The following PRH1 variants were observed in gnomAD, a reference collection of about 807,000 sequenced individuals.
PRH1 encodes salivary acidic proline-rich phosphoprotein 1/2.
PRH1 carries 7 observed loss-of-function variants against 7.9 expected under a neutral mutation model. The observed-to-expected ratio is 0.89, with a 90% confidence interval of 0.50 to 1.67. The LOEUF is 1.67. Among genes scored for constraint, PRH1 ranks in the 40% most tolerant of loss-of-function variants. The probability of loss-of-function intolerance (pLI) is 0.00; values close to 1 mark genes in which losing one functional copy is unlikely to be tolerated. For synonymous variants in PRH1, 45 were observed against 80.8 expected (o/e 0.56, Z 2.38); for missense variants, 109 against 223.6 (o/e 0.49, Z 3.27).
intron 2 of PRH1, among the ~76,000 whole-genome samples, chr12:10,963,416 A>G (rs1465790045): frequency 1.3e-5 from 2 of 152,196 alleles, no homozygotes; most frequent in African/African-American, 4.8e-5. Flanking sequence ...TGATTTTCAT[A>G]ATTTCTATAC....
intron 2 of PRH1, among the ~76,000 whole-genome samples, chr12:10,896,059 T>C (rs1370046181): frequency 6.6e-6 from 1 of 152,194 alleles, no homozygotes; most frequent in Non-Finnish European, 1.5e-5. Context: ...AATTGTAAAA[T>C]ATACAAGTTT....
At chr12:10,964,953 A>G (rs1938434066) in intron 2 of PRH1, 2 of 634,130 alleles carry the variant, frequency 3.2e-6, no homozygotes, top group Non-Finnish European at 5.7e-6. Flanking sequence ...AAAGACCCCA[A>G]TAGTATCACT....
At chr12:10,939,900 T>G (rs1024292168) in intron 2 of PRH1, among the ~76,000 whole-genome samples, 9 of 152,236 alleles carry the variant, frequency 5.9e-5, no homozygotes, top group Non-Finnish European at 1.2e-4. Context: ...TTTATTATCA[T>G]TTGAATACGT....
Position 10,973,738 on chromosome 12 carries a change from A to G in PRH1, c.-125-17T>C, listed in dbSNP as rs768693159. The G allele has an allele frequency of 1.0e-5, 8 of 778,628 alleles. No homozygotes were observed. In the South Asian group the frequency reaches 1.1e-4, roughly 10 times the overall value. The allele number at this position is 778,628 out of a possible 1,614,324, so 48.2% of individuals were successfully genotyped here. A position where few individuals can be genotyped will look rare whatever the true frequency, so the allele number is the denominator to read the frequency against. On this transcript the variant is annotated splice_polypyrimidine_tract_variant and intron_variant, in intron 1 of 3. Coordinates refer to the PRH1 transcript ENST00000539853. The stretch of plus-strand genomic sequence containing the variant: ...CTGCAGCAGCTAGGATAAGATAAAT[A>G]AAAGGCCAAAATTATATTTTCAATT...
At chr12:10,925,559 C>CA (rs1377855048) in intron 2 of PRH1, among the ~76,000 whole-genome samples, 2 of 152,046 alleles carry the variant, frequency 1.3e-5, no homozygotes, top group South Asian at 2.1e-4. Flanking sequence ...TTCATAATCA[C>CA]AAAAAACGAA....
intron 2 of PRH1, among the ~76,000 whole-genome samples, chr12:10,900,336 G>A (rs1009348103): frequency 1.3e-5 from 2 of 152,170 alleles, no homozygotes; most frequent in African/African-American, 4.8e-5. Context: ...CTGGGAAAAG[G>A]TTCAGGCCTT....
At chr12:10,959,317 T>C (rs1744533753) in intron 2 of PRH1, among the ~76,000 whole-genome samples, 1 of 123,544 alleles carries the variant, frequency 8.1e-6, no homozygotes, top group African/African-American at 3.1e-5. Context: ...CAAATGAAGA[T>C]GTCAAATAGT....
At chr12:11,015,815 A>AT (rs954449518) in intron 1 of PRH1, among the ~76,000 whole-genome samples, 12 of 121,212 alleles carry the variant, frequency 9.9e-5, no homozygotes, top group African/African-American at 2.5e-4. Context: ...ATGAGTTACT[A>AT]TTTTTTTATT....
chr12:11,079,421 C>T (rs891916892), intron 1 of PRH1, among the ~76,000 whole-genome samples: 4 of 116,558 alleles, frequency 3.4e-5, no homozygotes, highest in African/African-American at 1.2e-4. Flanking sequence ...AATGCCACTG[C>T]CTTATCTACA....
chr12:11,153,289 A>G (rs1947156656), intron 1 of PRH1, among the ~76,000 whole-genome samples: 1 of 152,190 alleles, frequency 6.6e-6, no homozygotes, highest in South Asian at 2.1e-4. Flanking sequence ...TAACATTCCT[A>G]CGACTGTCTT....
intron 2 of PRH1, among the ~76,000 whole-genome samples, chr12:10,934,752 T>C (rs1387413522): frequency 6.6e-6 from 1 of 152,156 alleles, no homozygotes; most frequent in African/African-American, 2.4e-5. Context: ...AGATACTGTA[T>C]GTTCTTAACA....
At chr12:11,114,993 G>C (rs1945691176) in intron 1 of PRH1, among the ~76,000 whole-genome samples, 2 of 152,064 alleles carry the variant, frequency 1.3e-5, no homozygotes, top group Admixed American at 1.3e-4. Context: ...AAGAAGAGCA[G>C]ACCACAACAT....
At chr12:10,987,835 C>T (rs1264330584) in intron 1 of PRH1, among the ~76,000 whole-genome samples, 1 of 152,004 alleles carries the variant, frequency 6.6e-6, no homozygotes, top group African/African-American at 2.4e-5. Context: ...TTCCTGAGTA[C>T]CACACCCTAT....
intron 2 of PRH1, among the ~76,000 whole-genome samples, chr12:10,926,066 A>G (rs1950118297): frequency 6.6e-6 from 1 of 152,228 alleles, no homozygotes; most frequent in South Asian, 2.1e-4. Context: ...TGTGAAATGT[A>G]TAATATATAT....
chr12:11,118,936 A>T (rs1187287534), downstream of PRH1, among the ~76,000 whole-genome samples: 5 of 141,250 alleles, frequency 3.5e-5, no homozygotes, highest in Admixed American at 3.9e-4. Context: ...CTGAAGTTGC[A>T]GTGAGCCGAG....
chr12:10,919,103 T>G (rs1421505980), intron 2 of PRH1, among the ~76,000 whole-genome samples: 3 of 152,160 alleles, frequency 2.0e-5, no homozygotes, highest in African/African-American at 4.8e-5. Context: ...ACTTTTTCAA[T>G]TCTATATTTA....
chr12:11,109,820 G>C (rs1041355243), intron 1 of PRH1, among the ~76,000 whole-genome samples: 16 of 152,102 alleles, frequency 1.1e-4, no homozygotes, highest in South Asian at 2.1e-4. Context: ...CAGAGAATGA[G>C]TTTGATGAAT....
intron 1 of PRH1, among the ~76,000 whole-genome samples, chr12:11,168,346 A>AAGG: frequency 1.3e-5 from 1 of 76,310 alleles, no homozygotes; most frequent in African/African-American, 5.0e-5. Context: ...GAAGGAAGGG[A>AAGG]AAGAAAGGAA....
intron 1 of PRH1, among the ~76,000 whole-genome samples, chr12:11,127,750 C>T (rs1270539703): frequency 6.6e-6 from 1 of 152,284 alleles, no homozygotes; most frequent in Non-Finnish European, 1.5e-5. Flanking sequence ...ATCTCTAAGG[C>T]TTAGGCCTTT....
Sources: gnomAD v4.1 joint callset for allele counts (sites outside exome capture counted in the v4.1 genomes callset) on GRCh38, gnomAD v4.1.1 for gene constraint, MANE v1.5 for transcripts, NCBI Gene and HGNC (gene_info 2026-07-23, HGNC 2026-07-21) for gene names.